The following VPS53 variants were observed in gnomAD, a reference collection of about 807,000 sequenced individuals.
VPS53 encodes the protein vacuolar protein sorting-associated protein 53 homolog.
VPS53 carries 70 observed loss-of-function variants against 107.0 expected under a neutral mutation model. The ratio of observed to expected loss-of-function variants is 0.65; its 90% CI spans 0.54 to 0.80. VPS53 has a LOEUF of 0.80. Among genes scored for constraint, VPS53 ranks in the 30% least tolerant of loss-of-function variants. The pLI, the probability that VPS53 is intolerant of heterozygous loss-of-function variation, is 0.00. For synonymous variants in VPS53, 409 were observed against 393.3 expected (o/e 1.04, Z -0.47); for missense variants, 917 against 1,049.4 (o/e 0.87, Z 1.74).
rs1446742129 is a variant in VPS53, at chr17:524,019, C to T, written c.2086-2281G>A. 1.3e-5 allele frequency among the ~76,000 whole-genome samples: 2 copies of T among 152,146 alleles called. No homozygotes were observed. The highest frequency in any genetic ancestry group is 6.5e-5 in the Admixed American group (1 of 15,284). The stretch of plus-strand genomic sequence containing the variant: ...AAAGAAAAACTTTAAGAAGAAAATA[C>T]AGGGCGCAGTGGCTCATGCCTGTAA... On this transcript the variant is annotated intron_variant, in intron 19 of 21. Coordinates refer to ENST00000437048, the MANE Select transcript of VPS53 (RefSeq NM_001128159.3). This position sits in a 1 kb window ranked among gnomAD's most constrained non-coding sequence, Gnocchi z 4.5.
intron 17 of VPS53, among the ~76,000 whole-genome samples, chr17:547,097 G>A (rs1251911851): frequency 6.6e-6 from 1 of 152,000 alleles, no homozygotes; most frequent in Non-Finnish European, 1.5e-5. Context: ...GGCTGGTCTT[G>A]AACTCCTGAC....
At chr17:536,898 T>G in intron 18 of VPS53, 130 bp downstream of exon 18, 1 of 1,181,596 alleles carries the variant, frequency 8.5e-7, no homozygotes, top group Non-Finnish European at 1.2e-6. Flanking sequence ...CTGTGCATGT[T>G]GGGGGGGTCA....
intron 18 of VPS53, 128 bp from the exon 19 acceptor site, chr17:533,039 G>T: frequency 7.0e-7 from 1 of 1,421,016 alleles, no homozygotes. Context: ...GGACTCCACT[G>T]TTGCCCATTA....
chr17:657,383 A>G, intron 5 of VPS53: 1 of 796,754 alleles, frequency 1.3e-6, no homozygotes, highest in Non-Finnish European at 2.2e-6. Context: ...GCTGCATGCA[A>G]ATCTTCTTAA....
intron 6 of VPS53, among the ~76,000 whole-genome samples, chr17:655,238 ATCACCAGCTCTTCCTTCTCTATTTCT>A (rs1310799624): frequency 2.0e-5 from 3 of 152,110 alleles, no homozygotes; most frequent in Non-Finnish European, 2.9e-5. Context: ...TTTGTAGTAA[ATCACCAGCTCTTCCTTCTCTATTTCT>A]AATGTTCTGA....
intron 4 of VPS53, among the ~76,000 whole-genome samples, chr17:693,124 T>C (rs990557888): frequency 3.3e-5 from 5 of 152,096 alleles, no homozygotes; most frequent in African/African-American, 1.2e-4. Context: ...ACAGCGAGAC[T>C]CTGACTCAAA....
At position 618,464 on chromosome 17, in the gene VPS53, CTAA is replaced by C. The variant is rs139744403; in HGVS notation, c.1116+5066_1116+5068del. 1.2e-3 allele frequency among the ~76,000 whole-genome samples: 186 copies of C among 149,442 alleles called. 1 individual carries two copies. Among genetic ancestry groups the C allele is most frequent in the African/African-American group, 3.7e-3 (149 of 40,396 alleles). ...GACAGGCGTGCGCCACTACGCCCCA[CTAA>C]TATTTCCCGGGTAGCTGGGACTACA... is the stretch of plus-strand genomic sequence containing the variant. On this transcript the variant is annotated intron_variant, in intron 11 of 21. Transcript: ENST00000437048.
At chr17:565,996 G>A (rs1196842249) in intron 13 of VPS53, among the ~76,000 whole-genome samples, 1 of 152,030 alleles carries the variant, frequency 6.6e-6, no homozygotes, top group African/African-American at 2.4e-5. Flanking sequence ...GAGGTCAGGA[G>A]ATCGAGACCA....
intron 18 of VPS53, chr17:536,649 C>T (rs572834606): frequency 2.1e-5 from 4 of 192,058 alleles, no homozygotes; most frequent in East Asian, 3.0e-4. Flanking sequence ...CAGAACAAAC[C>T]GCAGCTGGAT....
rs116034054 is a variant in VPS53 at position 528,643 on chromosome 17, C to G, written c.2085+4199G>C. 1.5e-3 allele frequency among the ~76,000 whole-genome samples: 213 copies of G among 142,702 alleles called. 2 individuals are homozygous for G. Among genetic ancestry groups the G allele is most frequent in the African/African-American group, 5.5e-3 (206 of 37,688 alleles). The allele number at this position is 142,702 out of a possible 152,430, so 93.6% of individuals were successfully genotyped here. The stretch of plus-strand genomic sequence containing the variant: ...GACAGAGTCTCACCCTGTCACCCAG[C>G]CTGAAGGTACAGTGGCGCAATCTTG... On this transcript the variant is annotated intron_variant, in intron 19 of 21. Transcript: ENST00000437048.
chr17:584,660 A>G (rs1015195394), intron 13 of VPS53, among the ~76,000 whole-genome samples: 2 of 151,990 alleles, frequency 1.3e-5, no homozygotes, highest in African/African-American at 4.8e-5. Flanking sequence ...AGCTGGGACT[A>G]CAGGTGTGCA....
At chr17:552,475 A>G (rs1468537317) in intron 16 of VPS53, 2 of 152,988 alleles carry the variant, frequency 1.3e-5, no homozygotes, top group South Asian at 2.0e-4. Context: ...GAAACTGACC[A>G]CAACAAAAAT....
At chr17:634,569 C>T (rs1357810153) in intron 7 of VPS53, among the ~76,000 whole-genome samples, 3 of 135,516 alleles carry the variant, frequency 2.2e-5, no homozygotes, top group Admixed American at 1.6e-4. Flanking sequence ...CAACAGGCCC[C>T]GGTGTGTGAT....
chr17:558,551 G>A (rs538261129), intron 15 of VPS53, among the ~76,000 whole-genome samples: 44 of 152,144 alleles, frequency 2.9e-4, no homozygotes, highest in Admixed American at 1.9e-3. Context: ...GGAGAATGGC[G>A]AGAACCCGGC....
chr17:662,833 G>A (rs1446715396), intron 4 of VPS53, among the ~76,000 whole-genome samples: 2 of 59,974 alleles, frequency 3.3e-5, no homozygotes, highest in African/African-American at 4.7e-5. Flanking sequence ...GAAAGAGAAA[G>A]AAAGGAAGGA....
At chr17:682,972 A>T (rs1421560969) in intron 4 of VPS53, among the ~76,000 whole-genome samples, 1 of 152,066 alleles carries the variant, frequency 6.6e-6, no homozygotes, top group African/African-American at 2.4e-5. Flanking sequence ...GCAGGAAATT[A>T]TAAGAGTCAA....
At chr17:535,179 A>G (rs889300278) in intron 18 of VPS53, among the ~76,000 whole-genome samples, 1 of 152,304 alleles carries the variant, frequency 6.6e-6, no homozygotes, top group Admixed American at 6.5e-5. Context: ...GGATGAAAAC[A>G]GAAAACCACT....
intron 17 of VPS53, among the ~76,000 whole-genome samples, chr17:551,399 C>T (rs1911805350): frequency 6.6e-6 from 1 of 151,988 alleles, no homozygotes; most frequent in Non-Finnish European, 1.5e-5. Context: ...AGACTCTTAG[C>T]TCTACAAAAA....
chr17:685,239 G>A (rs1309936328), intron 4 of VPS53: 3 of 152,174 alleles, frequency 2.0e-5, no homozygotes, highest in African/African-American at 7.2e-5. Flanking sequence ...AGGCAGCAAA[G>A]GCTCCCTGCA....
Sources: allele counts gnomAD v4.1 joint callset (sites outside exome capture counted in the v4.1 genomes callset), GRCh38; gene constraint gnomAD v4.1.1; non-coding constraint Gnocchi (gnomAD v3.1); transcripts MANE v1.5; gene names NCBI Gene and HGNC (gene_info 2026-07-23, HGNC 2026-07-21).